CUL7: variants seen among roughly 807,000 people sequenced by gnomAD.
The protein encoded by CUL7 is cullin 7, also known as cullin-7.
Under a neutral mutation model 177.7 loss-of-function variants are expected in CUL7, and 96 were observed. That is an observed-to-expected ratio of 0.54 (90% confidence interval 0.46 to 0.64). CUL7 has a LOEUF of 0.64. Ranked by LOEUF, CUL7 falls within the 30% of genes least tolerant of loss-of-function variation. The pLI is 0.00. For missense variants in CUL7, 1,893 were observed against 2,187.9 expected (o/e 0.87, Z 2.69); for synonymous variants, 824 against 890.2 (o/e 0.93, Z 1.32).
At position 43,043,311 on chromosome 6, in the gene CUL7, G is replaced by T; in HGVS notation, c.3356-131C>A. 1 of 1,186,204 alleles carries T rather than the reference G, an allele frequency of 8.4e-7. No homozygotes were observed. The highest frequency in any genetic ancestry group is 2.5e-5 in the East Asian group (1 of 40,780). 73.5% of individuals were successfully genotyped at this position (1,186,204 alleles called of 1,614,324 possible). A position where few individuals can be genotyped will look rare whatever the true frequency, so the allele number is the denominator to read the frequency against. ...CAAAATGATGTTCATGGATGGAGGT[G>T]ACACAAACCTGGAAGATGAACAGGC... On this transcript the variant is annotated intron_variant, in intron 17 of 25. Transcript: ENST00000265348. This position sits in a 1 kb window ranked among gnomAD's most constrained non-coding sequence, Gnocchi z 4.2.
At position 43,040,092 on chromosome 6, in the gene CUL7, C is replaced by T. The variant is rs1581907829; in HGVS notation, c.4294+64G>A. On this transcript the variant is annotated intron_variant, in intron 22 of 25. Transcript: ENST00000265348. This position sits in a 1 kb window ranked among gnomAD's most constrained non-coding sequence, Gnocchi z 4.2. ...CCCAACATCAGGGTCTGCCCCCAACCCCAGGTCCTTTCCTAGCAGCCCACC... is the reference window on the plus strand; with the variant it reads ...CCCAACATCAGGGTCTGCCCCCAACTCCAGGTCCTTTCCTAGCAGCCCACC... 6.2e-6 allele frequency: 10 copies of T among 1,601,200 alleles called. No individual in the cohort carries two copies. The highest frequency in any genetic ancestry group is 8.6e-6 in the Non-Finnish European group (10 of 1,168,812).
Position 43,044,888 on chromosome 6 carries a change from G to A in CUL7, c.3039-3C>T, listed in dbSNP as rs374950921. ...CCTGGCGCAGAGCACCGTTGAGTCT[G>A]GGGGTGAGAATGGAGGAGGAAGGTG... On this transcript the variant is annotated splice_polypyrimidine_tract_variant and splice_region_variant and intron_variant, in intron 15 of 25. Transcript: ENST00000265348. The A allele has an allele frequency of 6.2e-7, 1 of 1,612,638 alleles. No individual in the cohort carries two copies. Among genetic ancestry groups the A allele is most frequent in the African/African-American group, 1.3e-5 (1 of 74,886 alleles).
rs1347922194 is a variant in CUL7 at position 43,050,108 on chromosome 6, T to C, written c.1424A>G (p.Tyr475Cys). ...RPMTELYAVPYVLPEDEDTEE... is the reference protein window; with the variant it reads ...RPMTELYAVPCVLPEDEDTEE... ...AGTGTCCTCATCCTCAGGCAGCACATAAGGCACAGCATAGAGTTCTGTCAT... is the reference window on the plus strand; with the variant it reads ...AGTGTCCTCATCCTCAGGCAGCACACAAGGCACAGCATAGAGTTCTGTCAT... The change falls in exon 6 of 26, where the codon TAT becomes TGT. Residue 475 changes from tyrosine (Y) to cysteine (C), a missense_variant. This residue lies in a region of CUL7 where 653 missense variants were observed against 725.2 expected (regional missense o/e 0.90). Transcript: ENST00000265348. The surrounding 1 kb of genome is among the most constrained non-coding windows in gnomAD (Gnocchi z 4.1). 1.2e-6 allele frequency: 2 copies of C among 1,614,164 alleles called. No homozygotes were observed. Among genetic ancestry groups the C allele is most frequent in the Non-Finnish European group, 1.7e-6 (2 of 1,180,018 alleles).
Position 43,045,981 on chromosome 6 carries a change from C to A in CUL7, c.2766+5G>T. 1 of 1,610,140 alleles carries A rather than the reference C, an allele frequency of 6.2e-7. No individual in the cohort carries two copies. Among genetic ancestry groups the A allele is most frequent in the Non-Finnish European group, 8.5e-7 (1 of 1,176,460 alleles). Reference sequence around the variant, plus strand: ...GAGTAATGGCTAATGGCCCTGGGGTCCTACCGAGTTGAGTTCCGTGTGAAG... The same window carrying A: ...GAGTAATGGCTAATGGCCCTGGGGTACTACCGAGTTGAGTTCCGTGTGAAG... On this transcript the variant is annotated splice_donor_5th_base_variant and intron_variant, in intron 13 of 25. Coordinates refer to ENST00000265348, the MANE Select transcript of CUL7 (RefSeq NM_014780.5). This position sits in a 1 kb window ranked among gnomAD's most constrained non-coding sequence, Gnocchi z 4.8.
intron 10 of CUL7, 72 bp downstream of exon 10, chr6:43,046,808 C>T (rs1763955169): frequency 1.6e-6 from 2 of 1,213,060 alleles, no homozygotes; most frequent in Non-Finnish European, 1.2e-6. Flanking sequence ...GGGAACACAG[C>T]CCTTACCCGC....
rs748715099 is a variant in CUL7, at chr6:43,037,774, G to A, written c.5011C>T (p.Leu1671Phe). 70 of 1,593,204 alleles carry A rather than the reference G, an allele frequency of 4.4e-5. No homozygotes were observed. The highest frequency in any genetic ancestry group is 1.7e-4 in the Middle Eastern group (1 of 6,034). ...NPGSSGPNPP[L>F]TFHTLQIRSR... ...CGAATCTGTAGGGTATGGAAGGTGAGGGGTGGGTTGGGGCCTGAGGAGCCT... is the reference window on the plus strand; with the variant it reads ...CGAATCTGTAGGGTATGGAAGGTGAAGGGTGGGTTGGGGCCTGAGGAGCCT... The change falls in exon 26 of 26, where the codon CTC (leucine) becomes TTC (phenylalanine). Residue 1671 changes from leucine to phenylalanine, a missense_variant. Physicochemically the swap from Leu to Phe is conservative, Grantham distance 22 (BLOSUM62 0). This residue lies in a region of CUL7 where 248 missense variants were observed against 262.5 expected (regional missense o/e 0.94). Transcript: ENST00000265348.
chr6:43,039,531 CCCAG>C (rs1763232112), intron 22 of CUL7, among the ~76,000 whole-genome samples: 1 of 152,124 alleles, frequency 6.6e-6, no homozygotes, highest in Admixed American at 6.6e-5. Flanking sequence ...CAAAGAGATT[CCCAG>C]GTCTTATTTT....
rs1309768287 is a variant in CUL7, at chr6:43,043,193, A to G, written c.3356-13T>C. ...CTGTTTCTGCCTTCTGTAGAGACCA[A>G]GAAAGTGGCAGAGGCAAGGAGGGTG... On this transcript the variant is annotated splice_polypyrimidine_tract_variant and intron_variant, in intron 17 of 25. Transcript: ENST00000265348. This position sits in a 1 kb window ranked among gnomAD's most constrained non-coding sequence, Gnocchi z 4.2. 2 of 1,603,914 alleles carry G rather than the reference A, an allele frequency of 1.2e-6. No individual in the cohort carries two copies. Among genetic ancestry groups the G allele is most frequent in the Non-Finnish European group, 1.7e-6 (2 of 1,171,308 alleles).
At position 43,049,623 on chromosome 6, in the gene CUL7, T is replaced by G. The variant is rs774424806; in HGVS notation, c.1609A>C (p.Ile537Leu). 2 of 1,614,188 alleles carry G rather than the reference T, an allele frequency of 1.2e-6. No homozygotes were observed. The highest frequency in any genetic ancestry group is 2.7e-5 in the African/African-American group (2 of 75,036). The change falls in exon 7 of 26, where the codon ATA becomes CTA. Residue 537 changes from isoleucine to leucine, a missense_variant. This residue lies in a region of CUL7 where 653 missense variants were observed against 725.2 expected (regional missense o/e 0.90). Coordinates refer to ENST00000265348, the MANE Select transcript of CUL7 (RefSeq NM_014780.5). The stretch of plus-strand genomic sequence containing the variant: ...AGCAGCAAGTCCTGGGCCAATTCTA[T>G]GGGCACGGCCAGTTCAGCTAGGATC... ...DEILAELAVP[I>L]ELAQDLLLTL...
Position 43,045,842 on chromosome 6 carries a change from G to T in CUL7, c.2766+144C>A. On this transcript the variant is annotated intron_variant, in intron 13 of 25. Transcript: ENST00000265348. The surrounding 1 kb of genome is among the most constrained non-coding windows in gnomAD (Gnocchi z 4.8). ...CACCCTCATTGTTCAGGGCCTGGTG[G>T]CACAAGCACAGGGATAAAGGACACT... The T allele has an allele frequency of 9.4e-7, 1 of 1,067,360 alleles. No individual in the cohort carries two copies. Among genetic ancestry groups the T allele is most frequent in the Non-Finnish European group, 1.4e-6 (1 of 704,312 alleles). 66.1% of individuals were successfully genotyped at this position (1,067,360 alleles called of 1,614,324 possible).
rs1246173724 is a variant in CUL7 at position 43,050,223 on chromosome 6, T to A, written c.1372+37A>T. ...CAACTCAGCAGGACCACCATTCCTC[T>A]GCTCAGAGCTGACCCTTGCTTCCTC... On this transcript the variant is annotated intron_variant, in intron 5 of 25. Transcript: ENST00000265348. This position sits in a 1 kb window ranked among gnomAD's most constrained non-coding sequence, Gnocchi z 4.1. 6.2e-7 allele frequency: 1 copy of A among 1,614,200 alleles called. No homozygotes were observed. Among genetic ancestry groups the A allele is most frequent in the South Asian group, 1.1e-5 (1 of 91,086 alleles).
intron 19 of CUL7, among the ~76,000 whole-genome samples, chr6:43,042,037 AAGAG>A (rs955585923): frequency 5.3e-5 from 8 of 149,994 alleles, no homozygotes; most frequent in South Asian, 2.1e-4. Flanking sequence ...AGAAGAAAGA[AAGAG>A]AGAAGGAAAG....
intron 19 of CUL7, 91 bp downstream of exon 19, chr6:43,042,711 A>C: frequency 1.2e-6 from 1 of 823,154 alleles, no homozygotes. Context: ...TCATCATAGA[A>C]TGGGAATGGA....
In CUL7 at chr6:43,046,255, G is replaced by A; in HGVS notation, c.2641C>T (p.Arg881Cys). ...AGTTACCTGATGAGGATGCCCCGGC[G>A]CATGTGCAGGGTGATGTAGTGGGAG... Reference protein sequence around the residue: ...AGSHYITLHMRRGILIRQLTL... With the variant: ...AGSHYITLHMCRGILIRQLTL... Residue 881 changes from arginine to cysteine, a missense_variant, in exon 12 of 26, where the codon CGC becomes TGC. Physicochemically the swap from Arg to Cys is radical, Grantham distance 180. Transcript: ENST00000265348. 3 of 1,614,228 alleles carry A rather than the reference G, an allele frequency of 1.9e-6. No individual in the cohort carries two copies. Among genetic ancestry groups the A allele is most frequent in the Non-Finnish European group, 2.5e-6 (3 of 1,180,048 alleles).
rs748033652 is a variant in CUL7, at chr6:43,048,356, C to T, written c.2039G>A (p.Arg680Lys). ...CCTCAGCACAGTCAGGTGCAGGGTC[C>T]TGTTAGTCTCCGGAGTGTCCAGGCT... ...MQSLDTPETN[R>K]TLHLTVLRIL... The change falls in exon 8 of 26, where the codon AGG becomes AAG. Residue 680 changes from arginine to lysine, a missense_variant. Transcript: ENST00000265348. 2 of 1,612,544 alleles carry T rather than the reference C, an allele frequency of 1.2e-6. No homozygotes were observed. Among genetic ancestry groups the T allele is most frequent in the Non-Finnish European group, 8.5e-7 (1 of 1,178,534 alleles).
chr6:43,049,591 CAG>C lies in CUL7; in HGVS notation c.1639_1640del (p.Leu547AlafsTer6). The C allele has an allele frequency of 6.2e-7, 1 of 1,614,220 alleles. No homozygotes were observed. The highest frequency in any genetic ancestry group is 8.5e-7 in the Non-Finnish European group (1 of 1,180,046). On this transcript the variant is annotated frameshift_variant, in exon 7 of 26. Transcript: ENST00000265348. LOFTEE classifies it high-confidence loss of function. ...GGGCACTGTCATTGAGTCGCTGTGG[CAG>C]AGTCAGCAGCAAGTCCTGGGCCAAT... ...IELAQDLLLT[L>X]PQRLNDSALR...
Position 43,051,527 on chromosome 6 carries a change from A to G in CUL7, c.733-59T>C. 1 of 1,613,996 alleles carries G rather than the reference A, an allele frequency of 6.2e-7. No homozygotes were observed. Among genetic ancestry groups the G allele is most frequent in the South Asian group, 1.1e-5 (1 of 90,966 alleles). On this transcript the variant is annotated intron_variant, in intron 3 of 25. Coordinates refer to ENST00000265348, the MANE Select transcript of CUL7 (RefSeq NM_014780.5). This position sits in a 1 kb window ranked among gnomAD's most constrained non-coding sequence, Gnocchi z 5.0. ...TGTCCCAGTTTAAGCCCCTCTCTCC[A>G]TACCATCCTCTGCAGATAGGTGCAA...
At position 43,046,061 on chromosome 6, in the gene CUL7, G is replaced by A. The variant is rs145531381; in HGVS notation, c.2691C>T (p.Asp897=). 20 of 1,614,146 alleles carry A rather than the reference G, an allele frequency of 1.2e-5. No homozygotes were observed. Among genetic ancestry groups the A allele is most frequent in the Non-Finnish European group, 1.7e-5 (20 of 1,180,018 alleles). Reference sequence around the variant, plus strand: ...CCACTCGGGCCGGCATGTAACTCGAGTCCTCACTAGCCACAAGCAGAGTCA... The same window carrying A: ...CCACTCGGGCCGGCATGTAACTCGAATCCTCACTAGCCACAAGCAGAGTCA... ...RQLTLLVASE[D]SSYMPARVVV... Residue 897 remains aspartate, a synonymous_variant, in exon 13 of 26, where the codon GAC becomes GAT. Transcript: ENST00000265348.
Position 43,048,196 on chromosome 6 carries a change from G to A in CUL7, c.2121C>T (p.Ala707=), listed in dbSNP as rs149523197. Residue 707 remains alanine (A), a synonymous_variant, in exon 9 of 26, where the codon GCC becomes GCT. Coordinates refer to ENST00000265348, the MANE Select transcript of CUL7 (RefSeq NM_014780.5). The stretch of plus-strand genomic sequence containing the variant: ...GCAGGCAGGCCATGCAGGCATCCAC[G>A]GCCTCGTGCCAGGGGAGCAGCAGTG... ...PEALLLPWHE[A]VDACMACLRS... The A allele has an allele frequency of 3.8e-5, 61 of 1,613,902 alleles. No homozygotes were observed. Among genetic ancestry groups the A allele is most frequent in the Middle Eastern group, 1.6e-4 (1 of 6,076 alleles).
Sources: allele counts gnomAD v4.1 joint callset (sites outside exome capture counted in the v4.1 genomes callset), GRCh38; gene constraint gnomAD v4.1.1; regional missense constraint gnomAD v4.1.1; non-coding constraint Gnocchi (gnomAD v3.1); transcripts MANE v1.5; gene names NCBI Gene and HGNC (gene_info 2026-07-23, HGNC 2026-07-21).